The following CTNNBIP1 variants were observed in gnomAD, a reference collection of about 807,000 sequenced individuals.
The protein encoded by CTNNBIP1 is beta-catenin-interacting protein 1.
CTNNBIP1 carries 7 observed loss-of-function variants against 11.8 expected under a neutral mutation model. The observed-to-expected ratio is 0.60, with a 90% CI of 0.34 to 1.12. The LOEUF is 1.12. Among genes scored for constraint, CTNNBIP1 ranks in the 50% most tolerant of loss-of-function variants. The probability of loss-of-function intolerance (pLI) is 0.03; values close to 1 mark genes in which losing one functional copy is unlikely to be tolerated. For synonymous variants in CTNNBIP1, 58 were observed against 43.9 expected (o/e 1.32, Z -1.26); for missense variants, 101 against 113.4 (o/e 0.89, Z 0.50).
intron 1 of CTNNBIP1, among the ~76,000 whole-genome samples, chr1:9,901,694 C>T (rs900006296): frequency 2.6e-5 from 4 of 152,286 alleles, no homozygotes; most frequent in Admixed American, 6.5e-5. Flanking sequence ...GCTGAAACAG[C>T]GTCACTGCGG....
Position 9,850,015 on chromosome 1 carries a change from G to C in CTNNBIP1, c.*703C>G, listed in dbSNP as rs1343073931. On this transcript the variant is annotated 3_prime_UTR_variant, in exon 6 of 6. Transcript: ENST00000377263. ...ACCCTCAGGCCCAGAGCCGGCAGCAGAGGGGGGTGAATCCATGGCAACAGG... is the reference window on the plus strand; with the variant it reads ...ACCCTCAGGCCCAGAGCCGGCAGCACAGGGGGGTGAATCCATGGCAACAGG... The C allele has an allele frequency of 6.6e-6, 1 of 152,630 alleles. No individual in the cohort carries two copies. The highest frequency in any genetic ancestry group is 2.4e-5 in the African/African-American group (1 of 41,436). The allele number at this position is 152,630 out of a possible 1,614,324, so 9.5% of individuals were successfully genotyped here.
intron 2 of CTNNBIP1, among the ~76,000 whole-genome samples, chr1:9,881,195 C>T (rs1039423633): frequency 3.3e-5 from 5 of 151,718 alleles, no homozygotes; most frequent in East Asian, 1.9e-4. Flanking sequence ...CCACCATATC[C>T]GGCTAATTTT....
In CTNNBIP1 at chr1:9,874,555, G is replaced by A. The variant is rs556882192; in HGVS notation, c.-24-2467C>T. Among the ~76,000 whole-genome samples, 10 of 152,308 alleles carry A rather than the reference G, an allele frequency of 6.6e-5. No individual in the cohort carries two copies. The South Asian group carries it at 2.1e-3, about 32-fold the overall frequency. The stretch of plus-strand genomic sequence containing the variant: ...CAGGCATGAGCCACCATGCCCGCCT[G>A]TCCTGATTTTCTGAAAGTGCCCTGT... On this transcript the variant is annotated intron_variant, in intron 3 of 5. Transcript: ENST00000377263.
intron 1 of CTNNBIP1, among the ~76,000 whole-genome samples, chr1:9,895,552 G>C (rs1364083265): frequency 6.8e-6 from 1 of 147,424 alleles, no homozygotes; most frequent in Non-Finnish European, 1.5e-5. Context: ...CTAGAGTGCA[G>C]TGGCACGATC....
intron 5 of CTNNBIP1, among the ~76,000 whole-genome samples, chr1:9,864,391 C>T (rs575281405): frequency 6.5e-4 from 99 of 152,344 alleles, no homozygotes; most frequent in Middle Eastern, 3.4e-3. Context: ...TGCAGTGGCG[C>T]GATCTCGGCT....
rs181654108 is a variant in CTNNBIP1, at chr1:9,874,009, G to T, written c.-24-1921C>A. On this transcript the variant is annotated intron_variant, in intron 3 of 5. Transcript: ENST00000377263. The stretch of plus-strand genomic sequence containing the variant: ...CCACCTCATCCTCCCCAAAACAGAT[G>T]ATATCACTCCTACCTTAAACCTACC... Among the ~76,000 whole-genome samples the T allele has an allele frequency of 9.0e-4, 137 of 152,254 alleles. 2 individuals carry two copies. Among genetic ancestry groups the T allele is most frequent in the Non-Finnish European group, 3.7e-4 (25 of 68,010 alleles).
intron 1 of CTNNBIP1, among the ~76,000 whole-genome samples, chr1:9,908,874 T>C (rs1178649738): frequency 2.0e-5 from 3 of 152,190 alleles, no homozygotes; most frequent in African/African-American, 7.2e-5. Context: ...TGCTCACTAC[T>C]GAATGAATGA....
At chr1:9,866,807 G>A (rs1638756716) in intron 5 of CTNNBIP1, among the ~76,000 whole-genome samples, 1 of 152,084 alleles carries the variant, frequency 6.6e-6, no homozygotes, top group African/African-American at 2.4e-5. Flanking sequence ...CCAGATAGGA[G>A]TGATCTGAAG....
At chr1:9,906,411 A>G (rs1639621562) in intron 1 of CTNNBIP1, among the ~76,000 whole-genome samples, 1 of 152,142 alleles carries the variant, frequency 6.6e-6, no homozygotes, top group Non-Finnish European at 1.5e-5. Flanking sequence ...TACAAAAATT[A>G]GCCAGACGTG....
intron 5 of CTNNBIP1, among the ~76,000 whole-genome samples, chr1:9,865,420 G>A (rs1056354318): frequency 2.0e-5 from 3 of 152,006 alleles, no homozygotes; most frequent in African/African-American, 4.8e-5. Flanking sequence ...CTAACACGGT[G>A]AAACCCCGTC....
rs1570572899 is a variant in CTNNBIP1 at position 9,871,052 on chromosome 1, G to T, written c.187+135C>A. On this transcript the variant is annotated intron_variant, in intron 5 of 5. Transcript: ENST00000377263. This position sits in a 1 kb window ranked among gnomAD's most constrained non-coding sequence, Gnocchi z 5.2. ...CTCAGCTCTGTGGGTGGAGAGAGCT[G>T]TAGCCCCTCCTAGTCAGCCCTGGGT... The T allele has an allele frequency of 1.5e-6, 1 of 649,352 alleles. No individual in the cohort carries two copies. The highest frequency in any genetic ancestry group is 1.8e-5 in the African/African-American group (1 of 54,380). 40.2% of individuals were successfully genotyped at this position (649,352 alleles called of 1,614,324 possible).
At chr1:9,895,296 T>C (rs1442549736) in intron 1 of CTNNBIP1, among the ~76,000 whole-genome samples, 1 of 151,916 alleles carries the variant, frequency 6.6e-6, no homozygotes, top group East Asian at 1.9e-4. Flanking sequence ...CCTCCTGGGT[T>C]CCAGCGATTC....
rs1229639428 is a variant in CTNNBIP1 at position 9,872,779 on chromosome 1, C to A, written c.-24-691G>T. 6.6e-6 allele frequency among the ~76,000 whole-genome samples: 1 copy of A among 152,196 alleles called. No individual in the cohort carries two copies. Among genetic ancestry groups the A allele is most frequent in the Non-Finnish European group, 1.5e-5 (1 of 68,022 alleles). Reference sequence around the variant, plus strand: ...GGAAGGCCAGCAGCGTGTCCACATGCAGCAGGGACCTAACCTGTAGAAAGT... The same window carrying A: ...GGAAGGCCAGCAGCGTGTCCACATGAAGCAGGGACCTAACCTGTAGAAAGT... On this transcript the variant is annotated intron_variant, in intron 3 of 5. Coordinates refer to ENST00000377263, the MANE Select transcript of CTNNBIP1 (RefSeq NM_020248.3). The surrounding 1 kb of genome is among the most constrained non-coding windows in gnomAD (Gnocchi z 4.0).
intron 5 of CTNNBIP1, among the ~76,000 whole-genome samples, chr1:9,866,505 G>A (rs531774504): frequency 6.6e-6 from 1 of 152,128 alleles, no homozygotes; most frequent in South Asian, 2.1e-4. Context: ...ACCAGCCCGG[G>A]CAACATGGTG....
Position 9,872,016 on chromosome 1 carries a change from G to A in CTNNBIP1, c.49C>T (p.Gln17Ter), listed in dbSNP as rs1442815862. The change falls in exon 4 of 6, where the codon CAG becomes TAG. Residue 17 changes from glutamine to a stop codon, truncating the protein, a stop_gained. Transcript: ENST00000377263. LOFTEE classifies it high-confidence loss of function. This position sits in a 1 kb window ranked among gnomAD's most constrained non-coding sequence, Gnocchi z 4.0. ...ATGAGCAGCACTCGGACCTTCTGCT[G>A]AATGTACATCTCCTCCGGACTCTTC... is the stretch of plus-strand genomic sequence containing the variant. ...PGKSPEEMYI[Q>*]QKVRVLLMLR... 1.9e-6 allele frequency: 3 copies of A among 1,614,194 alleles called. No homozygotes were observed. The highest frequency in any genetic ancestry group is 1.7e-5 in the Admixed American group (1 of 60,024).
intron 3 of CTNNBIP1, among the ~76,000 whole-genome samples, chr1:9,875,135 G>A (rs1252936620): frequency 1.3e-5 from 2 of 152,150 alleles, no homozygotes; most frequent in Non-Finnish European, 2.9e-5. Flanking sequence ...GGTTCGAGCC[G>A]ACCAGTCCTT....
At chr1:9,860,470 C>T (rs542977054) in intron 5 of CTNNBIP1, among the ~76,000 whole-genome samples, 4 of 143,212 alleles carry the variant, frequency 2.8e-5, no homozygotes, top group African/African-American at 5.2e-5. Context: ...CTTAGCTGGG[C>T]GTAGTGGCAT....
intron 1 of CTNNBIP1, among the ~76,000 whole-genome samples, chr1:9,895,528 G>A (rs1253394107): frequency 1.4e-5 from 2 of 146,202 alleles, no homozygotes; most frequent in Non-Finnish European, 3.0e-5. Flanking sequence ...ATGGAGTCTT[G>A]CTCTGTCGCC....
chr1:9,884,314 C>T (rs1328744658), intron 1 of CTNNBIP1, among the ~76,000 whole-genome samples: 1 of 152,142 alleles, frequency 6.6e-6, no homozygotes, highest in East Asian at 1.9e-4. Context: ...GGGGCCATGG[C>T]AGCCCTTGGG....
Sources: allele counts gnomAD v4.1 joint callset (sites outside exome capture counted in the v4.1 genomes callset), GRCh38; gene constraint gnomAD v4.1.1; non-coding constraint Gnocchi (gnomAD v3.1); transcripts MANE v1.5; gene names NCBI Gene and HGNC (gene_info 2026-07-23, HGNC 2026-07-21).